SUFU: variants seen among roughly 807,000 people sequenced by gnomAD.
The protein encoded by SUFU is suppressor of fused homolog.
SUFU carries 7 observed loss-of-function variants against 58.9 expected under a neutral mutation model. The ratio of observed to expected loss-of-function variants is 0.12; its 90% CI spans 0.07 to 0.22. The LOEUF (loss-of-function observed/expected upper bound fraction) is 0.22, where lower values mean the gene tolerates loss of function less well. SUFU is among the 10% of genes least tolerant of loss of function. The probability of loss-of-function intolerance (pLI) is 1.00; values close to 1 mark genes in which losing one functional copy is unlikely to be tolerated. For synonymous variants in SUFU, 232 were observed against 254.8 expected, an observed-to-expected ratio of 0.91 and a Z score of 0.85; for missense variants, 451 against 641.3, an observed-to-expected ratio of 0.70 and a Z score of 3.20.
intron 6 of SUFU, among the ~76,000 whole-genome samples, chr10:102,596,465 G>C (rs1014716873): frequency 6.6e-6 from 1 of 152,210 alleles, no homozygotes; most frequent in Non-Finnish European, 1.5e-5. Flanking sequence ...GCAGGGTCTC[G>C]ATGGGGAGAG....
At position 102,601,202 on chromosome 10, in the gene SUFU, T is replaced by A. The variant is rs558876143; in HGVS notation, c.1022+1658T>A. ...AGATACAACCTTCTTGCCCCGCTTGTGTATCTGGAACAGGCCTGAGATCTC... is the reference window on the plus strand; with the variant it reads ...AGATACAACCTTCTTGCCCCGCTTGAGTATCTGGAACAGGCCTGAGATCTC... On this transcript the variant is annotated intron_variant, in intron 8 of 11. Transcript: ENST00000369902. 2.6e-5 allele frequency among the ~76,000 whole-genome samples: 4 copies of A among 152,282 alleles called. No homozygotes were observed. The South Asian group carries it at 8.3e-4, about 32-fold the overall frequency.
At chr10:102,550,212 G>A (rs1464787660) in intron 3 of SUFU, 106 bp downstream of exon 3, 25 of 1,518,682 alleles carry the variant, frequency 1.6e-5, no homozygotes, top group African/African-American at 2.7e-5. Context: ...CCTTTCCTGG[G>A]AGTACTATGC....
intron 3 of SUFU, among the ~76,000 whole-genome samples, chr10:102,565,576 G>T (rs191991779): frequency 6.6e-6 from 1 of 152,138 alleles, no homozygotes; most frequent in Non-Finnish European, 1.5e-5. Context: ...ACGGAGTCTC[G>T]CTCTGTCGCC....
chr10:102,557,456 G>C (rs1229795043), intron 3 of SUFU, among the ~76,000 whole-genome samples: 1 of 152,028 alleles, frequency 6.6e-6, no homozygotes, highest in African/African-American at 2.4e-5. Context: ...AGCTAGGCAT[G>C]GTGGCATGCA....
intron 2 of SUFU, among the ~76,000 whole-genome samples, chr10:102,535,083 A>G (rs977929436): frequency 6.6e-6 from 1 of 152,166 alleles, no homozygotes; most frequent in Non-Finnish European, 1.5e-5. Context: ...CTGATTCCCA[A>G]GGAGAAGGGC....
At position 102,569,186 on chromosome 10, in the gene SUFU, G is replaced by A. The variant is rs573039264; in HGVS notation, c.454+19080G>A. 5.3e-5 allele frequency among the ~76,000 whole-genome samples: 8 copies of A among 151,774 alleles called. No individual in the cohort carries two copies. The South Asian group carries it at 1.0e-3, about 20-fold the overall frequency. ...AGTGGGATTGTGGGTCACAAGGTCC[G>A]CAGATTTTACAGTTTGGCACATATG... On this transcript the variant is annotated intron_variant, in intron 3 of 11. Transcript: ENST00000369902.
At chr10:102,505,991 G>A (rs1234289659) in intron 1 of SUFU, among the ~76,000 whole-genome samples, 5 of 141,750 alleles carry the variant, frequency 3.5e-5, no homozygotes, top group Non-Finnish European at 7.6e-5. Context: ...GAGGCCAGGA[G>A]TTCGAGACCA....
At chr10:102,578,181 G>A (rs113422568) in intron 3 of SUFU, among the ~76,000 whole-genome samples, 36,920 of 148,206 alleles carry the variant, frequency 0.25, 5,017 homozygotes, top group Non-Finnish European at 0.31. Context: ...GGTGGTGGGC[G>A]CTTGTAATCC....
At chr10:102,507,700 T>G (rs2062345549) in intron 1 of SUFU, among the ~76,000 whole-genome samples, 1 of 152,272 alleles carries the variant, frequency 6.6e-6, no homozygotes, top group African/African-American at 2.4e-5. Flanking sequence ...AAATAGTGTT[T>G]AAATTGCCTG....
In SUFU at chr10:102,617,706, G is replaced by A. The variant is rs1467193749; in HGVS notation, c.1296+278G>A. The A allele has an allele frequency of 3.3e-6, 2 of 598,650 alleles. No homozygotes were observed. The highest frequency in any genetic ancestry group is 1.9e-5 in the African/African-American group (1 of 53,770). 37.1% of individuals were successfully genotyped at this position (598,650 alleles called of 1,614,324 possible). ...GCTCTTGGTAATTCTGGTTCCCCGT[G>A]GAAATCCAGGTTGGAGGGATATAAG... On this transcript the variant is annotated intron_variant, in intron 10 of 11. Coordinates refer to ENST00000369902, the MANE Select transcript of SUFU (RefSeq NM_016169.4). The surrounding 1 kb of genome is among the most constrained non-coding windows in gnomAD (Gnocchi z 4.4).
In SUFU at chr10:102,619,580, A is replaced by G; in HGVS notation, c.1296+2152A>G. The G allele has an allele frequency of 2.2e-6, 2 of 913,698 alleles. No homozygotes were observed. Among genetic ancestry groups the G allele is most frequent in the Non-Finnish European group, 2.7e-6 (2 of 744,918 alleles). The allele number at this position is 913,698 out of a possible 1,614,324, so 56.6% of individuals were successfully genotyped here. On this transcript the variant is annotated intron_variant, in intron 10 of 11. Transcript: ENST00000369902. The surrounding 1 kb of genome is among the most constrained non-coding windows in gnomAD (Gnocchi z 4.2). ...CCCAAGCACCCACCCTTGATCACCG[A>G]GGGGTTTCTCAGGCCCTTTCCAAGG...
intron 10 of SUFU, chr10:102,618,630 C>A (rs1271589552): frequency 1.1e-5 from 2 of 189,804 alleles, no homozygotes; most frequent in African/African-American, 4.7e-5. Flanking sequence ...TTACTTTGAA[C>A]CATAAAGTTA....
intron 10 of SUFU, among the ~76,000 whole-genome samples, chr10:102,620,753 C>T (rs1564709060): frequency 1.3e-5 from 2 of 152,194 alleles, no homozygotes; most frequent in Non-Finnish European, 2.9e-5. Context: ...CTTTAACAAG[C>T]CTCTCTCCCT....
intron 8 of SUFU, among the ~76,000 whole-genome samples, chr10:102,601,473 G>C (rs902068567): frequency 5.3e-5 from 8 of 152,184 alleles, no homozygotes; most frequent in African/African-American, 1.9e-4. Flanking sequence ...CGAGGTGCCG[G>C]GGTTGTCTCC....
In SUFU at chr10:102,622,823, G is replaced by GA. The variant is rs59430798; in HGVS notation, c.1297-4334dup. Among the ~76,000 whole-genome samples the GA allele has an allele frequency of 8.1e-4, 101 of 124,530 alleles. 2 individuals carry two copies. The highest frequency in any genetic ancestry group is 4.4e-3 in the Middle Eastern group (1 of 228). 81.7% of individuals were successfully genotyped at this position (124,530 alleles called of 152,430 possible). A position where few individuals can be genotyped will look rare whatever the true frequency, so the allele number is the denominator to read the frequency against. ...GACAGAGTGAGACTCCGTCTCAGAA[G>GA]AAAAAAAAAAAAAAAAAATTAGCTG... On this transcript the variant is annotated intron_variant, in intron 10 of 11. Transcript: ENST00000369902.
intron 2 of SUFU, among the ~76,000 whole-genome samples, chr10:102,520,469 C>CTCG (rs2062538886): frequency 6.6e-6 from 1 of 151,972 alleles, no homozygotes; most frequent in African/African-American, 2.4e-5. Context: ...ATCCAACCAC[C>CTCG]TCGGCCTCCC....
intron 2 of SUFU, among the ~76,000 whole-genome samples, chr10:102,535,005 C>G (rs1273151640): frequency 6.9e-6 from 1 of 145,596 alleles, no homozygotes; most frequent in Non-Finnish European, 1.6e-5. Context: ...CCACCCCCTA[C>G]CCCCTGCACA....
intron 3 of SUFU, among the ~76,000 whole-genome samples, chr10:102,557,979 C>T (rs2062998659): frequency 6.6e-6 from 1 of 151,846 alleles, no homozygotes; most frequent in Non-Finnish European, 1.5e-5. Flanking sequence ...CAGCTCACTG[C>T]ACCTCCGCCT....
At chr10:102,602,458 A>G (rs911191443) in intron 8 of SUFU, among the ~76,000 whole-genome samples, 1 of 152,206 alleles carries the variant, frequency 6.6e-6, no homozygotes, top group Non-Finnish European at 1.5e-5. Flanking sequence ...TCATATTAGA[A>G]GCTTATTGGG....
Sources: gnomAD v4.1 joint callset for allele counts (sites outside exome capture counted in the v4.1 genomes callset) on GRCh38, gnomAD v4.1.1 for gene constraint, Gnocchi (gnomAD v3.1) non-coding constraint, MANE v1.5 for transcripts, NCBI Gene and HGNC (gene_info 2026-07-23, HGNC 2026-07-21) for gene names.